CAMTA1: variants seen among roughly 807,000 people sequenced by gnomAD.
The protein encoded by CAMTA1 is calmodulin binding transcription activator 1.
CAMTA1 carries 27 observed loss-of-function variants against 170.9 expected under a neutral mutation model. The observed-to-expected ratio is 0.16, with a 90% CI of 0.12 to 0.22. The LOEUF (loss-of-function observed/expected upper bound fraction) is 0.22, where lower values mean the gene tolerates loss of function less well. Among genes scored for constraint, CAMTA1 ranks in the 10% least tolerant of loss-of-function variants. The pLI is 1.00. For missense variants in CAMTA1, 1,619 were observed against 2,217.2 expected, an observed-to-expected ratio of 0.73 and a Z score of 5.42; for synonymous variants, 833 against 891.5, an observed-to-expected ratio of 0.93 and a Z score of 1.17.
intron 6 of CAMTA1, among the ~76,000 whole-genome samples, chr1:7,611,344 C>A (rs983522206): frequency 1.3e-5 from 2 of 152,174 alleles, no homozygotes; most frequent in African/African-American, 4.8e-5. Flanking sequence ...TTTTCTGGCA[C>A]CCCCTTAAAT....
chr1:7,049,974 G>A (rs1224559198), intron 3 of CAMTA1, among the ~76,000 whole-genome samples: 2 of 152,318 alleles, frequency 1.3e-5, no homozygotes, highest in African/African-American at 2.4e-5. Flanking sequence ...AGCCCAGTGG[G>A]AAAGTGAAGG....
intron 4 of CAMTA1, among the ~76,000 whole-genome samples, chr1:7,242,667 G>A (rs986510171): frequency 1.3e-5 from 2 of 152,016 alleles, no homozygotes; most frequent in African/African-American, 2.4e-5. Context: ...GGTGGCTCAC[G>A]CCTGTAATCC....
At chr1:7,406,601 C>T (rs969215552) in intron 5 of CAMTA1, among the ~76,000 whole-genome samples, 12 of 152,126 alleles carry the variant, frequency 7.9e-5, no homozygotes, top group African/African-American at 1.4e-4. Flanking sequence ...CAAGCACACA[C>T]GGATGTACAC....
chr1:7,541,190 T>G (rs2094607447), intron 6 of CAMTA1, among the ~76,000 whole-genome samples: 1 of 152,224 alleles, frequency 6.6e-6, no homozygotes, highest in African/African-American at 2.4e-5. Flanking sequence ...CCTCCCTCCA[T>G]GTCCTCACGT....
chr1:6,827,947 G>T (rs889908582), intron 3 of CAMTA1, among the ~76,000 whole-genome samples: 2 of 152,154 alleles, frequency 1.3e-5, no homozygotes, highest in Non-Finnish European at 2.9e-5. Context: ...CACTGAAGGG[G>T]CTCACACTGG....
At chr1:7,123,416 A>G (rs1019036900) in intron 4 of CAMTA1, among the ~76,000 whole-genome samples, 1 of 151,616 alleles carries the variant, frequency 6.6e-6, no homozygotes, top group Non-Finnish European at 1.5e-5. Context: ...ATCCGCGAAG[A>G]CCCTATTTCT....
rs771719581 is a variant in CAMTA1 at position 7,281,637 on chromosome 1, A to G, written c.438+32011A>G. Among the ~76,000 whole-genome samples the G allele has an allele frequency of 1.2e-4, 18 of 152,226 alleles. 1 individual carries two copies. The highest frequency in any genetic ancestry group is 2.5e-4 in the Non-Finnish European group (17 of 68,036). On this transcript the variant is annotated intron_variant, in intron 5 of 22. Transcript: ENST00000303635. Reference sequence around the variant, plus strand: ...GTATCAATATAATTGCAGCAGCTTAATTTGGCATAAAAAGCATCTAATGAA... The same window carrying G: ...GTATCAATATAATTGCAGCAGCTTAGTTTGGCATAAAAAGCATCTAATGAA...
chr1:7,715,428 C>A (rs1295068632), intron 11 of CAMTA1, among the ~76,000 whole-genome samples: 2 of 145,012 alleles, frequency 1.4e-5, no homozygotes, highest in East Asian at 4.1e-4. Flanking sequence ...CCCATAGCCA[C>A]ACACTTTTTT....
intron 6 of CAMTA1, among the ~76,000 whole-genome samples, chr1:7,486,195 GT>G (rs1333026741): frequency 6.6e-6 from 1 of 151,848 alleles, no homozygotes; most frequent in Non-Finnish European, 1.5e-5. Context: ...CAAAGCAGTG[GT>G]ATGCTGGAAA....
rs2096904982 is a variant in CAMTA1, at chr1:7,752,604, A to G, written c.4958+71A>G. 3.4e-6 allele frequency: 4 copies of G among 1,179,334 alleles called. No individual in the cohort carries two copies. The East Asian group carries it at 9.8e-5, about 29-fold the overall frequency. 73.1% of individuals were successfully genotyped at this position (1,179,334 alleles called of 1,614,324 possible). A position where few individuals can be genotyped will look rare whatever the true frequency, so the allele number is the denominator to read the frequency against. On this transcript the variant is annotated intron_variant, in intron 21 of 22. Coordinates refer to ENST00000303635, the MANE Select transcript of CAMTA1 (RefSeq NM_015215.4). ...AGCAACCCTGACCTTCTTAACCCTC[A>G]CTAACTCCTATGTAAAGCTAATCCC...
At chr1:7,159,600 A>G (rs1319933826) in intron 4 of CAMTA1, among the ~76,000 whole-genome samples, 2 of 152,084 alleles carry the variant, frequency 1.3e-5, no homozygotes, top group East Asian at 1.9e-4. Flanking sequence ...CTGAAGTGCA[A>G]TGACACAATC....
chr1:7,521,739 G>T (rs1339177629), intron 6 of CAMTA1, among the ~76,000 whole-genome samples: 2 of 152,164 alleles, frequency 1.3e-5, no homozygotes, highest in Non-Finnish European at 2.9e-5. Context: ...AGTAGAGACG[G>T]AGTTTCACCA....
chr1:7,447,424 C>T (rs941812512), intron 5 of CAMTA1, among the ~76,000 whole-genome samples: 2 of 960 alleles, frequency 2.1e-3, no homozygotes, highest in African/African-American at 3.8e-3. Context: ...TGAGTGGGGG[C>T]GGGGTGGGGG....
chr1:7,624,913 A>G (rs2095623045), intron 6 of CAMTA1, among the ~76,000 whole-genome samples: 1 of 152,210 alleles, frequency 6.6e-6, no homozygotes, highest in African/African-American at 2.4e-5. Flanking sequence ...CTGGAAGGAC[A>G]GTGTGACGTT....
chr1:6,819,444 C>T (rs967077617), intron 1 of CAMTA1, among the ~76,000 whole-genome samples: 2 of 152,062 alleles, frequency 1.3e-5, no homozygotes, highest in African/African-American at 2.4e-5. Flanking sequence ...TGCCATAATA[C>T]TAGTTGGCGC....
intron 5 of CAMTA1, among the ~76,000 whole-genome samples, chr1:7,445,337 T>A (rs1363736816): frequency 6.6e-6 from 1 of 151,684 alleles, no homozygotes; most frequent in Non-Finnish European, 1.5e-5. Context: ...GAGGAAAGAC[T>A]GCCCCACAGA....
intron 6 of CAMTA1, among the ~76,000 whole-genome samples, chr1:7,515,996 C>T (rs1344286355): frequency 6.6e-6 from 1 of 152,212 alleles, no homozygotes; most frequent in Non-Finnish European, 1.5e-5. Context: ...TGCCCTTGCC[C>T]TGTGTCACAT....
intron 5 of CAMTA1, among the ~76,000 whole-genome samples, chr1:7,322,724 C>T (rs1170728039): frequency 6.6e-6 from 1 of 152,224 alleles, no homozygotes; most frequent in Non-Finnish European, 1.5e-5. Context: ...TTCTTAGTCT[C>T]TGTTTCATCT....
At chr1:7,601,104 G>C (rs1459345007) in intron 6 of CAMTA1, among the ~76,000 whole-genome samples, 2 of 150,350 alleles carry the variant, frequency 1.3e-5, no homozygotes, top group Non-Finnish European at 3.0e-5. Context: ...GGCTGGCCGG[G>C]CCGGGGGCTG....
Sources: allele counts gnomAD v4.1 joint callset (sites outside exome capture counted in the v4.1 genomes callset), GRCh38; gene constraint gnomAD v4.1.1; transcripts MANE v1.5; gene names NCBI Gene and HGNC (gene_info 2026-07-23, HGNC 2026-07-21).